The following GAL3ST2 variants were observed in gnomAD, a reference collection of about 807,000 sequenced individuals.
GAL3ST2 encodes beta-galactose-3-O-sulfotransferase 2.
Under a neutral mutation model 12.9 loss-of-function variants are expected in GAL3ST2, and 16 were observed. That is an observed-to-expected ratio of 1.24 (90% CI 0.84 to 1.88). The LOEUF is 1.88. GAL3ST2 is among the 40% of genes most tolerant of loss of function. The pLI is 0.00. For synonymous variants in GAL3ST2, 302 were observed against 273.9 expected (o/e 1.10, Z -1.01); for missense variants, 639 against 571.8 (o/e 1.12, Z -1.20).
intron 1 of GAL3ST2, among the ~76,000 whole-genome samples, chr2:241,781,376 T>C (rs1575360976): frequency 6.6e-6 from 1 of 152,148 alleles, no homozygotes; most frequent in East Asian, 1.9e-4. Flanking sequence ...TCCTCTATTC[T>C]GATGACACAG....
Position 241,801,853 on chromosome 2 carries a change from C to G in GAL3ST2, c.192C>G (p.Ser64Arg), listed in dbSNP as rs368776648. ...IMFLKTHKTA[S>R]STVLNILYRF... ...TCCTGAAGACGCACAAGACGGCCAG[C>G]AGCACGGTGCTCAACATCCTCTACC... The change falls in exon 3 of 4, where the codon AGC (serine) becomes AGG (arginine). Residue 64 changes from serine to arginine, a missense_variant. Physicochemically the swap from Ser to Arg is moderately radical, Grantham distance 110. Transcript: ENST00000192314. This position sits in a 1 kb window ranked among gnomAD's most constrained non-coding sequence, Gnocchi z 4.4. 2 of 1,612,988 alleles carry G rather than the reference C, an allele frequency of 1.2e-6. No homozygotes were observed. Among genetic ancestry groups the G allele is most frequent in the Non-Finnish European group, 1.7e-6 (2 of 1,179,962 alleles).
Position 241,793,305 on chromosome 2 carries a change from G to T in GAL3ST2, c.30-5760G>T, listed in dbSNP as rs568759345. On this transcript the variant is annotated intron_variant, in intron 1 of 3. Coordinates refer to ENST00000192314, the MANE Select transcript of GAL3ST2 (RefSeq NM_022134.3). The surrounding 1 kb of genome is among the most constrained non-coding windows in gnomAD (Gnocchi z 4.7). ...AGCTGGTCAGAAGGAACCGCAGGGG[G>T]ATGTGTGTGTCCGTGTGTGTGTATG... Among the ~76,000 whole-genome samples, 7 of 152,250 alleles carry T rather than the reference G, an allele frequency of 4.6e-5. No individual in the cohort carries two copies. The South Asian group carries it at 1.5e-3, about 32-fold the overall frequency.
rs757858639 is a variant in GAL3ST2 at position 241,802,065 on chromosome 2, G to A, written c.375+29G>A. 2 of 1,584,194 alleles carry A rather than the reference G, an allele frequency of 1.3e-6. No individual in the cohort carries two copies. Among genetic ancestry groups the A allele is most frequent in the Non-Finnish European group, 1.7e-6 (2 of 1,165,376 alleles). On this transcript the variant is annotated intron_variant, in intron 3 of 3. Transcript: ENST00000192314. This position sits in a 1 kb window ranked among gnomAD's most constrained non-coding sequence, Gnocchi z 4.8. ...CCGCGGGCCTGCTGGGGAGGAGGGC[G>A]GGCTGCAGCCGTGCCTGTGGCTGTG... is the stretch of plus-strand genomic sequence containing the variant.
Position 241,798,360 on chromosome 2 carries a change from C to T in GAL3ST2, c.30-705C>T, listed in dbSNP as rs140549311. 4.7e-3 allele frequency among the ~76,000 whole-genome samples: 723 copies of T among 152,330 alleles called. 2 individuals are homozygous for T. Among genetic ancestry groups the T allele is most frequent in the South Asian group, 0.015 (74 of 4,828 alleles). Reference sequence around the variant, plus strand: ...ATGTGCTTCTCACCGTTCTGGAGGCCGGAAGGCATGCGATCTCGAGCCAGC... The same window carrying T: ...ATGTGCTTCTCACCGTTCTGGAGGCTGGAAGGCATGCGATCTCGAGCCAGC... On this transcript the variant is annotated intron_variant, in intron 1 of 3. Transcript: ENST00000192314.
intron 1 of GAL3ST2, among the ~76,000 whole-genome samples, chr2:241,794,720 G>A (rs765709775): frequency 2.4e-4 from 37 of 152,208 alleles, no homozygotes; most frequent in Non-Finnish European, 4.4e-4. Flanking sequence ...CCTGGCCGCA[G>A]TCCCCACGGT....
At chr2:241,799,797 A>G (rs1411908581) in intron 2 of GAL3ST2, among the ~76,000 whole-genome samples, 8 of 151,914 alleles carry the variant, frequency 5.3e-5, no homozygotes, top group African/African-American at 1.9e-4. Context: ...CACCCCCATC[A>G]CCCAGGCTGG....
chr2:241,803,317 C>T (rs1699880901), intron 3 of GAL3ST2, 28 bp from the exon 4 acceptor site: 2 of 1,546,204 alleles, frequency 1.3e-6, no homozygotes, highest in Non-Finnish European at 1.8e-6. Flanking sequence ...GCCCGCGGTC[C>T]GCAGCCCGCC....
intron 1 of GAL3ST2, among the ~76,000 whole-genome samples, chr2:241,786,984 A>G (rs1699634660): frequency 6.6e-6 from 1 of 152,164 alleles, no homozygotes; most frequent in Non-Finnish European, 1.5e-5. Context: ...AGACAAATGC[A>G]TATCTGATTG....
At chr2:241,778,802 G>A (rs1699525665) in intron 1 of GAL3ST2, among the ~76,000 whole-genome samples, 1 of 152,292 alleles carries the variant, frequency 6.6e-6, no homozygotes, top group Non-Finnish European at 1.5e-5. Flanking sequence ...GGTCTGGAGA[G>A]GCAGGACGGC....
chr2:241,783,337 T>C (rs1559412736), intron 1 of GAL3ST2, among the ~76,000 whole-genome samples: 1 of 152,168 alleles, frequency 6.6e-6, no homozygotes, highest in Non-Finnish European at 1.5e-5. Context: ...CTTCCCTGCA[T>C]CTTAAACAAC....
In GAL3ST2 at chr2:241,802,052, T is replaced by C. The variant is rs1231000095; in HGVS notation, c.375+16T>C. ...CCTGCCTCAGGTACCGCGGGCCTGC[T>C]GGGGAGGAGGGCGGGCTGCAGCCGT... On this transcript the variant is annotated intron_variant, in intron 3 of 3. Transcript: ENST00000192314. This position sits in a 1 kb window ranked among gnomAD's most constrained non-coding sequence, Gnocchi z 4.8. 6.3e-7 allele frequency: 1 copy of C among 1,597,710 alleles called. No individual in the cohort carries two copies. The highest frequency in any genetic ancestry group is 8.5e-7 in the Non-Finnish European group (1 of 1,172,512).
intron 1 of GAL3ST2, among the ~76,000 whole-genome samples, chr2:241,796,331 C>T (rs946284487): frequency 3.3e-5 from 5 of 152,058 alleles, no homozygotes; most frequent in South Asian, 2.1e-4. Context: ...TTCCTACCAG[C>T]GGGACCCAGA....
At position 241,799,092 on chromosome 2, in the gene GAL3ST2, C is replaced by CCTGG; in HGVS notation, c.59_62dup (p.Leu22GlyfsTer27). On this transcript the variant is annotated frameshift_variant, in exon 2 of 4. Coordinates refer to ENST00000192314, the MANE Select transcript of GAL3ST2 (RefSeq NM_022134.3). LOFTEE classifies it high-confidence loss of function. Reference sequence around the variant, plus strand: ...ACTTCCGGGTCATCCTCCTCCTCCTCCTGGCCCTGACTCTGCTCCTGCTGG... The same window carrying CCTGG: ...ACTTCCGGGTCATCCTCCTCCTCCTCCTGGCTGGCCCTGACTCTGCTCCTGCTGG... 6.2e-7 allele frequency: 1 copy of CCTGG among 1,613,714 alleles called. No homozygotes were observed. Among genetic ancestry groups the CCTGG allele is most frequent in the Non-Finnish European group, 8.5e-7 (1 of 1,180,004 alleles).
In GAL3ST2 at chr2:241,803,788, G is replaced by C. The variant is rs1182776855; in HGVS notation, c.819G>C (p.Arg273=). Residue 273 remains arginine, a synonymous_variant, in exon 4 of 4, where the codon CGG becomes CGC. Transcript: ENST00000192314. ...RLSPETRERA[R]SWCALDWRLY... ...CGCCCGAGACCCGGGAGCGCGCGCG[G>C]AGCTGGTGCGCGCTGGACTGGCGCC... 6.6e-7 allele frequency: 1 copy of C among 1,505,188 alleles called. No individual in the cohort carries two copies. Among genetic ancestry groups the C allele is most frequent in the Non-Finnish European group, 8.8e-7 (1 of 1,134,020 alleles). The allele number at this position is 1,505,188 out of a possible 1,614,324, so 93.2% of individuals were successfully genotyped here.
Position 241,799,144 on chromosome 2 carries a change from C to T in GAL3ST2, c.109C>T (p.Leu37=). ...CGGATTCCTGCACTCGGACTTAGAGCTGGACACACCGTAAGTCCTGCCCCC... is the reference window on the plus strand; with the variant it reads ...CGGATTCCTGCACTCGGACTTAGAGTTGGACACACCGTAAGTCCTGCCCCC... ...LAGFLHSDLE[L]DTPLFGGQAE... is the part of the protein sequence containing the mutation. The change falls in exon 2 of 4, where the codon CTG becomes TTG. Residue 37 remains leucine (L), a synonymous_variant. Coordinates refer to ENST00000192314, the MANE Select transcript of GAL3ST2 (RefSeq NM_022134.3). The T allele has an allele frequency of 6.2e-7, 1 of 1,613,570 alleles. No homozygotes were observed.
chr2:241,803,647 C>T lies in GAL3ST2; in HGVS notation c.678C>T (p.Ile226=), dbSNP rs1433987424. Reference sequence around the variant, plus strand: ...AGCGGCGCTTCCGGCTGGTGCTCATCGCCGAGCACCTGGACGAGTCCCTGG... The same window carrying T: ...AGCGGCGCTTCCGGCTGGTGCTCATTGCCGAGCACCTGGACGAGTCCCTGG... The part of the protein sequence containing the change: ...EVERRFRLVL[I]AEHLDESLVL... The change falls in exon 4 of 4, where the codon ATC becomes ATT. Residue 226 remains isoleucine, a synonymous_variant. Transcript: ENST00000192314. 1.3e-6 allele frequency: 2 copies of T among 1,550,892 alleles called. No homozygotes were observed. The highest frequency in any genetic ancestry group is 2.4e-5 in the East Asian group (1 of 40,984).
intron 1 of GAL3ST2, among the ~76,000 whole-genome samples, chr2:241,798,135 C>T (rs151246131): frequency 2.6e-4 from 40 of 152,310 alleles, no homozygotes; most frequent in African/African-American, 2.4e-4. Context: ...CCCGACTCCA[C>T]GGTCAGGCCT....
chr2:241,779,973 C>T (rs1201968442), intron 1 of GAL3ST2, among the ~76,000 whole-genome samples: 2 of 148,082 alleles, frequency 1.4e-5, no homozygotes, highest in East Asian at 4.0e-4. Flanking sequence ...GCAACAAGAG[C>T]ACAATCCCGT....
rs1036165259 is a variant in GAL3ST2 at position 241,801,992 on chromosome 2, C to A, written c.331C>A (p.Arg111Ser). The A allele has an allele frequency of 3.7e-6, 6 of 1,612,784 alleles. No individual in the cohort carries two copies. Among genetic ancestry groups the A allele is most frequent in the South Asian group, 1.1e-5 (1 of 91,044 alleles). ...RYVEGVGSQQ[R>S]FNIMCNHLRF... ...CGTGGAAGGCGTGGGGTCGCAGCAG[C>A]GCTTCAACATCATGTGCAACCACCT... Residue 111 changes from arginine to serine, a missense_variant, in exon 3 of 4, where the codon CGC (arginine) becomes AGC (serine). Coordinates refer to ENST00000192314, the MANE Select transcript of GAL3ST2 (RefSeq NM_022134.3). The surrounding 1 kb of genome is among the most constrained non-coding windows in gnomAD (Gnocchi z 4.4).
Sources: gnomAD v4.1 joint callset for allele counts (sites outside exome capture counted in the v4.1 genomes callset) on GRCh38, gnomAD v4.1.1 for gene constraint, Gnocchi (gnomAD v3.1) non-coding constraint, MANE v1.5 for transcripts, NCBI Gene and HGNC (gene_info 2026-07-23, HGNC 2026-07-21) for gene names.